The following TMEM212 variants were observed in gnomAD, a reference collection of about 807,000 sequenced individuals.
TMEM212 encodes transmembrane protein 212.
Under a neutral mutation model 20.5 loss-of-function variants are expected in TMEM212, and 23 were observed. The observed-to-expected ratio is 1.12, with a 90% confidence interval of 0.81 to 1.59. The LOEUF (loss-of-function observed/expected upper bound fraction) is 1.59, where lower values mean the gene tolerates loss of function less well. TMEM212 is among the 40% of genes most tolerant of loss of function. The probability of loss-of-function intolerance (pLI) is 0.00; values close to 1 mark genes in which losing one functional copy is unlikely to be tolerated. For missense variants in TMEM212, 211 were observed against 215.0 expected (o/e 0.98, Z 0.12); for synonymous variants, 76 against 81.6 (o/e 0.93, Z 0.37).
chr3:171,851,860 C>A, intron 1 of TMEM212, 122 bp from the exon 2 acceptor site: 2 of 851,602 alleles, frequency 2.3e-6, no homozygotes, highest in Non-Finnish European at 3.7e-6. Flanking sequence ...AGCCATAAAT[C>A]CACTGAGTCA....
chr3:171,844,124 G>A (rs148434995), intron 1 of TMEM212, among the ~76,000 whole-genome samples: 1 of 152,274 alleles, frequency 6.6e-6, no homozygotes, highest in Non-Finnish European at 1.5e-5. Flanking sequence ...CACTAGGAAA[G>A]TACATGTGCC....
At chr3:171,856,581 T>C (rs1725122407) in intron 3 of TMEM212, 82 bp from the exon 4 acceptor site, 1 of 575,276 alleles carries the variant, frequency 1.7e-6, no homozygotes, top group East Asian at 3.0e-5. Context: ...GTGGACCCCT[T>C]TTACATGGGT....
chr3:171,851,490 T>G (rs1013099144), intron 1 of TMEM212, among the ~76,000 whole-genome samples: 3 of 152,332 alleles, frequency 2.0e-5, no homozygotes, highest in African/African-American at 7.2e-5. Context: ...AAGGGGATCG[T>G]GTATTTGCAT....
chr3:171,854,231 A>C (rs1468017532), intron 3 of TMEM212, among the ~76,000 whole-genome samples: 1 of 152,178 alleles, frequency 6.6e-6, no homozygotes, highest in African/African-American at 2.4e-5. Flanking sequence ...GAAAGAAAGA[A>C]GCAAAATTGA....
At chr3:171,844,228 A>G (rs1724782084) in intron 1 of TMEM212, among the ~76,000 whole-genome samples, 1 of 150,940 alleles carries the variant, frequency 6.6e-6, no homozygotes, top group South Asian at 2.1e-4. Context: ...CTCTCCAACC[A>G]AAAAAAAATG....
intron 1 of TMEM212, among the ~76,000 whole-genome samples, chr3:171,846,468 T>C (rs1724835805): frequency 6.6e-6 from 1 of 152,204 alleles, no homozygotes; most frequent in African/African-American, 2.4e-5. Context: ...AGGGCAGGGA[T>C]TGTTTTTTCT....
At position 171,853,337 on chromosome 3, in the gene TMEM212, G is replaced by A. The variant is rs1007846479; in HGVS notation, c.220-190G>A. On this transcript the variant is annotated intron_variant, in intron 2 of 4. Coordinates refer to ENST00000334567, the MANE Select transcript of TMEM212 (RefSeq NM_001164436.2). ...ACTTAAAAAGTGAAAAAAAAAAAAA[G>A]AAAATGAATATACAAGGGACATTTT... Among the ~76,000 whole-genome samples the A allele has an allele frequency of 2.4e-3, 361 of 148,514 alleles. 1 individual carries two copies. The highest frequency in any genetic ancestry group is 7.6e-3 in the African/African-American group (305 of 40,034).
chr3:171,845,312 G>A (rs973308567), intron 1 of TMEM212, among the ~76,000 whole-genome samples: 2 of 152,140 alleles, frequency 1.3e-5, no homozygotes, highest in African/African-American at 2.4e-5. Flanking sequence ...TACATGTATA[G>A]TAGATGTTTA....
intron 1 of TMEM212, among the ~76,000 whole-genome samples, chr3:171,846,252 T>C (rs1388668136): frequency 1.3e-5 from 2 of 152,206 alleles, no homozygotes; most frequent in Admixed American, 6.5e-5. Context: ...CTTGATTAAT[T>C]CTTTATCAAA....
rs560965446 is a variant in TMEM212 at position 171,855,430 on chromosome 3, C to T, written c.544-1233C>T. Among the ~76,000 whole-genome samples the T allele has an allele frequency of 1.6e-4, 24 of 152,042 alleles. No individual in the cohort carries two copies. The East Asian group carries it at 2.9e-3, about 18-fold the overall frequency. On this transcript the variant is annotated intron_variant, in intron 3 of 4. Coordinates refer to ENST00000334567, the MANE Select transcript of TMEM212 (RefSeq NM_001164436.2). ...GAGTTCAAAACCAGCCTGGCCAGCA[C>T]GGTGAAACCCCATCTCTACTAAAAA...
In TMEM212 at chr3:171,853,533, G is replaced by T; in HGVS notation, c.226G>T (p.Ala76Ser). ...REWTQRYLGE[A>S]TFTFVILSIM... ...ATTTTTGCTTTATTTTCAGGGGGAAGCTACTTTCACCTTTGTGATTCTGAG... is the reference window on the plus strand; with the variant it reads ...ATTTTTGCTTTATTTTCAGGGGGAATCTACTTTCACCTTTGTGATTCTGAG... Residue 76 changes from alanine to serine, a missense_variant, in exon 3 of 5, where the codon GCT (alanine) becomes TCT (serine). By Grantham distance (99) the Ala-to-Ser change is moderately conservative (BLOSUM62 1). Transcript: ENST00000334567. 6.5e-7 allele frequency: 1 copy of T among 1,532,310 alleles called. No homozygotes were observed. The highest frequency in any genetic ancestry group is 2.4e-5 in the East Asian group (1 of 40,848). 94.9% of individuals were successfully genotyped at this position (1,532,310 alleles called of 1,614,324 possible). A position where few individuals can be genotyped will look rare whatever the true frequency, so the allele number is the denominator to read the frequency against.
intron 3 of TMEM212, among the ~76,000 whole-genome samples, chr3:171,855,685 T>C (rs896962128): frequency 1.3e-5 from 2 of 152,274 alleles, no homozygotes; most frequent in South Asian, 2.1e-4. Context: ...AAAGTGCCCA[T>C]TGGACTGGTA....
intron 1 of TMEM212, 31 bp from the exon 2 acceptor site, chr3:171,851,951 G>A: frequency 6.5e-7 from 1 of 1,531,502 alleles, no homozygotes; most frequent in East Asian, 2.4e-5. Context: ...CTTCTGTGGT[G>A]GATGTTTATT....
intron 2 of TMEM212, 86 bp from the exon 3 acceptor site, chr3:171,853,441 C>A: frequency 9.1e-7 from 1 of 1,097,040 alleles, no homozygotes; most frequent in Non-Finnish European, 1.3e-6. Context: ...TCATAGCCAG[C>A]ATCTCTTTTA....
chr3:171,848,335 A>C, intron 1 of TMEM212, among the ~76,000 whole-genome samples: 1 of 152,106 alleles, frequency 6.6e-6, no homozygotes, highest in Non-Finnish European at 1.5e-5. Flanking sequence ...CTACAGCCTA[A>C]CACCAACCCT....
intron 2 of TMEM212, among the ~76,000 whole-genome samples, chr3:171,853,226 C>T (rs948732376): frequency 1.3e-5 from 2 of 151,748 alleles, no homozygotes; most frequent in East Asian, 1.9e-4. Context: ...TTAATACCTA[C>T]GTGATAGGTT....
intron 2 of TMEM212, 75 bp from the exon 3 acceptor site, chr3:171,853,452 T>C (rs952282325): frequency 2.7e-5 from 35 of 1,300,562 alleles, no homozygotes; most frequent in Non-Finnish European, 3.4e-5. Flanking sequence ...ATCTCTTTTA[T>C]TTTCTTCATA....
At chr3:171,848,320 A>G (rs1724884837) in intron 1 of TMEM212, among the ~76,000 whole-genome samples, 1 of 152,176 alleles carries the variant, frequency 6.6e-6, no homozygotes. Context: ...GCAGGCAGCA[A>G]TGCCCTACAG....
chr3:171,851,770 T>C (rs541231266), intron 1 of TMEM212, among the ~76,000 whole-genome samples: 19 of 152,378 alleles, frequency 1.2e-4, no homozygotes, highest in African/African-American at 4.3e-4. Flanking sequence ...AATGAACTTG[T>C]ATGAATCATG....
Sources: gnomAD v4.1 joint callset for allele counts (sites outside exome capture counted in the v4.1 genomes callset) on GRCh38, gnomAD v4.1.1 for gene constraint, MANE v1.5 for transcripts, NCBI Gene and HGNC (gene_info 2026-07-23, HGNC 2026-07-21) for gene names.